OPCML: variants seen among roughly 807,000 people sequenced by gnomAD.
The protein encoded by OPCML is opioid-binding protein/cell adhesion molecule.
OPCML carries 13 observed loss-of-function variants against 37.8 expected under a neutral mutation model. The observed-to-expected ratio is 0.34, with a 90% CI of 0.22 to 0.55. The LOEUF (loss-of-function observed/expected upper bound fraction) is 0.55. OPCML is among the 20% of genes least tolerant of loss of function. The pLI is 0.91. For missense variants in OPCML, 341 were observed against 435.6 expected (o/e 0.78, Z 1.93); for synonymous variants, 176 against 168.8 (o/e 1.04, Z -0.33).
intron 1 of OPCML, among the ~76,000 whole-genome samples, chr11:133,454,432 G>GT (rs1294058438): frequency 6.6e-6 from 1 of 152,148 alleles, no homozygotes; most frequent in Non-Finnish European, 1.5e-5. Context: ...ATGATCTATA[G>GT]TTTTTCCCCC....
At chr11:132,849,830 C>G (rs1016067595) in intron 2 of OPCML, among the ~76,000 whole-genome samples, 1 of 152,146 alleles carries the variant, frequency 6.6e-6, no homozygotes, top group Non-Finnish European at 1.5e-5. Flanking sequence ...CAAATGAGGC[C>G]ACACACCGGG....
At chr11:133,100,980 A>G (rs1217083519) in intron 1 of OPCML, among the ~76,000 whole-genome samples, 2 of 152,146 alleles carry the variant, frequency 1.3e-5, no homozygotes, top group Non-Finnish European at 2.9e-5. Context: ...GCTGGAGTGC[A>G]GTGGCATGAT....
intron 1 of OPCML, among the ~76,000 whole-genome samples, chr11:133,393,861 T>C (rs1945228376): frequency 6.6e-6 from 1 of 152,262 alleles, no homozygotes; most frequent in African/African-American, 2.4e-5. Context: ...TCCTCTTGCC[T>C]GACACCTGGC....
At chr11:133,325,756 T>C (rs1943435230) in intron 1 of OPCML, among the ~76,000 whole-genome samples, 1 of 152,200 alleles carries the variant, frequency 6.6e-6, no homozygotes, top group Admixed American at 6.5e-5. Flanking sequence ...AGTGCTCATA[T>C]GGGAGAAAAC....
At chr11:133,317,617 T>C (rs1592195884) in intron 1 of OPCML, among the ~76,000 whole-genome samples, 1 of 152,224 alleles carries the variant, frequency 6.6e-6, no homozygotes, top group East Asian at 1.9e-4. Flanking sequence ...ATCATAGTGA[T>C]AGTATTTGTC....
chr11:132,922,201 T>C (rs1440494559), intron 2 of OPCML, among the ~76,000 whole-genome samples: 1 of 152,140 alleles, frequency 6.6e-6, no homozygotes, highest in Non-Finnish European at 1.5e-5. Context: ...TTTACATATC[T>C]TTAATGTTAC....
chr11:133,241,055 C>A (rs1007087574), intron 1 of OPCML, among the ~76,000 whole-genome samples: 3 of 152,210 alleles, frequency 2.0e-5, no homozygotes, highest in Non-Finnish European at 4.4e-5. Context: ...GCAGCCCTTC[C>A]TCTTTCTCTC....
chr11:132,781,597 T>G (rs1947016514), intron 2 of OPCML, among the ~76,000 whole-genome samples: 1 of 137,316 alleles, frequency 7.3e-6, no homozygotes, highest in Non-Finnish European at 1.7e-5. Context: ...CATACACATA[T>G]ACATACACAC....
chr11:133,055,853 T>C (rs1019804875), intron 1 of OPCML, among the ~76,000 whole-genome samples: 80 of 136,300 alleles, frequency 5.9e-4, no homozygotes, highest in African/African-American at 1.8e-3. Flanking sequence ...CTCTACCGTA[T>C]AATGCTGCCT....
chr11:133,421,649 CT>C, intron 1 of OPCML: 1 of 985,402 alleles, frequency 1.0e-6, no homozygotes, highest in Non-Finnish European at 1.2e-6. Flanking sequence ...TATTTTGTTT[CT>C]TTTAGGTCTA....
At chr11:133,493,178 G>A (rs892360888) in intron 1 of OPCML, among the ~76,000 whole-genome samples, 1 of 152,210 alleles carries the variant, frequency 6.6e-6, no homozygotes, top group African/African-American at 2.4e-5. Flanking sequence ...TCCTGGCTGG[G>A]AGCCTCTGGC....
intron 1 of OPCML, among the ~76,000 whole-genome samples, chr11:133,033,151 C>T (rs1413637572): frequency 6.6e-6 from 1 of 152,102 alleles, no homozygotes; most frequent in African/African-American, 2.4e-5. Flanking sequence ...TCTATTTCTC[C>T]AGTCTGGGTT....
intron 2 of OPCML, among the ~76,000 whole-genome samples, chr11:132,801,716 C>A (rs10894606): frequency 0.92 from 139,588 of 152,256 alleles, 64,961 homozygotes; most frequent in Middle Eastern, 0.96. Context: ...TGTTTAAAAT[C>A]GCTTCTACCT....
intron 1 of OPCML, among the ~76,000 whole-genome samples, chr11:133,364,891 G>T (rs1182765723): frequency 1.3e-5 from 2 of 151,428 alleles, no homozygotes; most frequent in Admixed American, 1.3e-4. Flanking sequence ...TTTATAGCAG[G>T]TGGAATTTAT....
Position 133,025,758 on chromosome 11 carries a change from G to T in OPCML, c.62-82748C>A, listed in dbSNP as rs1365339804. On this transcript the variant is annotated intron_variant, in intron 1 of 7. Coordinates refer to ENST00000524381, the MANE Select transcript of OPCML (RefSeq NM_001012393.5). ...TTTTTTTTTTTTTTTTTTTGAGATG[G>T]AGTCTCGATCTGTCGCCCAGGCTGG... Among the ~76,000 whole-genome samples, 6 of 138,220 alleles carry T rather than the reference G, an allele frequency of 4.3e-5. No individual in the cohort carries two copies. The East Asian group carries it at 1.3e-3, about 30-fold the overall frequency. 90.7% of individuals were successfully genotyped at this position (138,220 alleles called of 152,430 possible). A position where few individuals can be genotyped will look rare whatever the true frequency, so the allele number is the denominator to read the frequency against.
At chr11:133,025,062 T>C in intron 1 of OPCML, 3 of 916,814 alleles carry the variant, frequency 3.3e-6, no homozygotes, top group Non-Finnish European at 3.9e-6. Flanking sequence ...CTGAGGTATC[T>C]ATGGAGTATA....
intron 1 of OPCML, among the ~76,000 whole-genome samples, chr11:133,448,009 T>C (rs986898202): frequency 2.0e-5 from 3 of 152,248 alleles, no homozygotes; most frequent in African/African-American, 7.2e-5. Flanking sequence ...TTCTTAATGG[T>C]GTCTTTAGAA....
intron 2 of OPCML, among the ~76,000 whole-genome samples, chr11:132,921,887 C>T (rs1019141253): frequency 2.2e-4 from 33 of 148,896 alleles, no homozygotes; most frequent in African/African-American, 7.9e-4. Flanking sequence ...TAAATTTTAC[C>T]TTTTTTTTTT....
At chr11:133,026,836 A>G (rs970196526) in intron 1 of OPCML, among the ~76,000 whole-genome samples, 1 of 152,206 alleles carries the variant, frequency 6.6e-6, no homozygotes, top group South Asian at 2.1e-4. Flanking sequence ...TTTCTAATGC[A>G]TTCTTTTTTC....
Sources: allele counts gnomAD v4.1 joint callset (sites outside exome capture counted in the v4.1 genomes callset), GRCh38; gene constraint gnomAD v4.1.1; transcripts MANE v1.5; gene names NCBI Gene and HGNC (gene_info 2026-07-23, HGNC 2026-07-21).